Variants in MYO5A observed in about 807,000 individuals in gnomAD.
MYO5A encodes unconventional myosin-Va.
Under a neutral mutation model 249.7 loss-of-function variants are expected in MYO5A, and 98 were observed. That is an observed-to-expected ratio of 0.39 (90% CI 0.33 to 0.46). The LOEUF is 0.46. MYO5A is among the 20% of genes least tolerant of loss of function. The probability of loss-of-function intolerance (pLI) is 0.98; values close to 1 mark genes in which losing one functional copy is unlikely to be tolerated. For missense variants in MYO5A, 1,696 were observed against 2,308.8 expected (o/e 0.73, Z 5.44); for synonymous variants, 778 against 810.6 (o/e 0.96, Z 0.68).
At chr15:52,423,037 T>C (rs1040660458) in intron 4 of MYO5A, among the ~76,000 whole-genome samples, 1 of 152,176 alleles carries the variant, frequency 6.6e-6, no homozygotes, top group African/African-American at 2.4e-5. Context: ...GTTTTATTGT[T>C]AATCATGCCT....
At chr15:52,333,665 T>C (rs2038988956) in intron 34 of MYO5A, among the ~76,000 whole-genome samples, 1 of 152,238 alleles carries the variant, frequency 6.6e-6, no homozygotes, top group Non-Finnish European at 1.5e-5. Context: ...GCTATATAGT[T>C]TCTGCCAAAA....
rs781177187 is a variant in MYO5A at position 52,351,319 on chromosome 15, G to A, written c.3784C>T (p.Arg1262Cys). 23 of 1,614,020 alleles carry A rather than the reference G, an allele frequency of 1.4e-5. No homozygotes were observed. The highest frequency in any genetic ancestry group is 3.3e-5 in the South Asian group (3 of 91,080). The change falls in exon 28 of 42, where the codon CGC becomes TGC. Residue 1262 changes from arginine (R) to cysteine (C), a missense_variant. Arg to Cys is a radical substitution (Grantham distance 180). Coordinates refer to ENST00000399233, the MANE Select transcript of MYO5A (RefSeq NM_001382347.1). ...CTTAAGATGAGGACTTCCTCCTTGC[G>A]GACATCAAGCTCCTCGCTCACAGAG... is the stretch of plus-strand genomic sequence containing the variant. The part of the protein sequence containing the change: ...LTSVSEELDV[R>C]KEEVLILRSQ...
intron 4 of MYO5A, 92 bp from the exon 5 acceptor site, chr15:52,416,393 C>A: frequency 7.2e-7 from 1 of 1,388,990 alleles, no homozygotes. Flanking sequence ...AAGTAGGGGG[C>A]TAATTAATGG....
intron 8 of MYO5A, among the ~76,000 whole-genome samples, chr15:52,405,941 T>G (rs1462539323): frequency 6.6e-6 from 1 of 152,234 alleles, no homozygotes; most frequent in Non-Finnish European, 1.5e-5. Flanking sequence ...ATTACTTCTT[T>G]AAACTACAGA....
intron 11 of MYO5A, among the ~76,000 whole-genome samples, chr15:52,393,795 CT>C (rs2042367055): frequency 6.6e-6 from 1 of 152,164 alleles, no homozygotes; most frequent in Non-Finnish European, 1.5e-5. Flanking sequence ...CAAATTTCTT[CT>C]GTTCTTTTGA....
Position 52,309,376 on chromosome 15 carries a change from G to T in MYO5A, c.*4320C>A, listed in dbSNP as rs1410349418. ...CTTAAAACAAGTAACTTGGTACGCA[G>T]CACTTGCTCGGTTCCCACATGCCAG... On this transcript the variant is annotated 3_prime_UTR_variant, in exon 42 of 42. Transcript: ENST00000399233. 1 of 152,222 alleles carries T rather than the reference G, an allele frequency of 6.6e-6. No individual in the cohort carries two copies. The highest frequency in any genetic ancestry group is 6.5e-5 in the Admixed American group (1 of 15,280). The allele number at this position is 152,222 out of a possible 1,614,324, so 9.4% of individuals were successfully genotyped here.
At chr15:52,443,495 GAGGTT>G (rs1210688318) in intron 1 of MYO5A, among the ~76,000 whole-genome samples, 1 of 150,754 alleles carries the variant, frequency 6.6e-6, no homozygotes, top group Non-Finnish European at 1.5e-5. Context: ...GGTAGATCAC[GAGGTT>G]AGGAGTTCGA....
At chr15:52,345,699 G>T (rs28653534) in intron 30 of MYO5A, among the ~76,000 whole-genome samples, 2 of 152,092 alleles carry the variant, frequency 1.3e-5, no homozygotes, top group African/African-American at 4.8e-5. Flanking sequence ...TCCACAGATA[G>T]GGATCCAATG....
chr15:52,372,290 C>G lies in MYO5A; in HGVS notation c.2651G>C (p.Arg884Thr), dbSNP rs2041166239. Residue 884 changes from arginine to threonine, a missense_variant, in exon 21 of 42, where the codon AGG becomes ACG. Physicochemically the swap from Arg to Thr is moderately conservative, Grantham distance 71. Transcript: ENST00000399233. ...AAGGTAGATGATGGCATGCATGCTC[C>G]TCTTGTAGTGTGTGCGGGCCAGCCA... is the stretch of plus-strand genomic sequence containing the variant. ...RGWLARTHYK[R>T]SMHAIIYLQC... is the part of the protein sequence containing the mutation. The G allele has an allele frequency of 6.2e-7, 1 of 1,610,514 alleles. No individual in the cohort carries two copies. Among genetic ancestry groups the G allele is most frequent in the South Asian group, 1.1e-5 (1 of 91,044 alleles).
intron 1 of MYO5A, among the ~76,000 whole-genome samples, chr15:52,524,560 A>AATAAATAC (rs2077693731): frequency 7.1e-6 from 1 of 141,642 alleles, no homozygotes; most frequent in Admixed American, 6.8e-5. Flanking sequence ...AACCTAAATA[A>AATAAATAC]ATAAATAAAT....
At chr15:52,498,360 G>A (rs997161133) in intron 1 of MYO5A, among the ~76,000 whole-genome samples, 1 of 152,046 alleles carries the variant, frequency 6.6e-6, no homozygotes, top group African/African-American at 2.4e-5. Flanking sequence ...TTAGCTCAAA[G>A]GGTGTAAAAA....
intron 19 of MYO5A, 116 bp downstream of exon 19, chr15:52,376,231 C>A: frequency 1.1e-6 from 1 of 923,598 alleles, no homozygotes; most frequent in Non-Finnish European, 1.7e-6. Context: ...ATTTGTTGTC[C>A]CTTGGAACTA....
intron 20 of MYO5A, among the ~76,000 whole-genome samples, chr15:52,372,609 A>C (rs2041185322): frequency 6.6e-6 from 1 of 152,232 alleles, no homozygotes; most frequent in Non-Finnish European, 1.5e-5. Context: ...TGTCATATGC[A>C]CATATTATGT....
At chr15:52,468,449 G>A (rs1486129205) in intron 1 of MYO5A, among the ~76,000 whole-genome samples, 1 of 152,220 alleles carries the variant, frequency 6.6e-6, no homozygotes, top group Non-Finnish European at 1.5e-5. Flanking sequence ...CTTGAGCCCA[G>A]GAGTTCAAGC....
At chr15:52,467,329 T>C (rs11856912) in intron 1 of MYO5A, among the ~76,000 whole-genome samples, 22,888 of 152,116 alleles carry the variant, frequency 0.15, 1,831 homozygotes, top group Middle Eastern at 0.22. Context: ...AGGAGACAGA[T>C]TTCAAAAACA....
At chr15:52,516,505 A>G (rs1029862190) in intron 1 of MYO5A, among the ~76,000 whole-genome samples, 3 of 152,226 alleles carry the variant, frequency 2.0e-5, no homozygotes, top group Non-Finnish European at 4.4e-5. Context: ...CTATGCCTTT[A>G]ATGTCTAAGG....
chr15:52,527,004 TA>T (rs1442323049), intron 1 of MYO5A, among the ~76,000 whole-genome samples: 1 of 149,726 alleles, frequency 6.7e-6, no homozygotes, highest in East Asian at 1.9e-4. Flanking sequence ...ACACTAATGA[TA>T]AATGATGAGC....
rs759342689 is a variant in MYO5A, at chr15:52,321,902, C to T, written c.4801-393G>A. Among the ~76,000 whole-genome samples the T allele has an allele frequency of 3.3e-5, 5 of 151,622 alleles. No individual in the cohort carries two copies. In the South Asian group the frequency reaches 8.4e-4, roughly 25 times the overall value. ...CTCTTAACTTCAGTTCTTTATAGTC[C>T]TATTCTTAAAAACTACACCCAAAGG... On this transcript the variant is annotated intron_variant, in intron 37 of 41. Coordinates refer to ENST00000399233, the MANE Select transcript of MYO5A (RefSeq NM_001382347.1).
At chr15:52,420,523 T>C (rs942699619) in intron 4 of MYO5A, among the ~76,000 whole-genome samples, 19 of 152,146 alleles carry the variant, frequency 1.2e-4, no homozygotes, top group Non-Finnish European at 2.2e-4. Flanking sequence ...ATGTAGCCTA[T>C]CAACCTTGCT....
Sources: allele counts gnomAD v4.1 joint callset (sites outside exome capture counted in the v4.1 genomes callset), GRCh38; gene constraint gnomAD v4.1.1; transcripts MANE v1.5; gene names NCBI Gene and HGNC (gene_info 2026-07-23, HGNC 2026-07-21).